Variants in STXBP5L observed in about 807,000 individuals in gnomAD.
The protein encoded by STXBP5L is syntaxin-binding protein 5-like.
A neutral mutation model predicts 144.5 loss-of-function variants in STXBP5L; 65 were observed. That is an observed-to-expected ratio of 0.45 (90% CI 0.37 to 0.55). The LOEUF is 0.55. Among genes scored for constraint, STXBP5L ranks in the 20% least tolerant of loss-of-function variants. The probability of loss-of-function intolerance (pLI) is 0.00; values close to 1 mark genes in which losing one functional copy is unlikely to be tolerated. For missense variants in STXBP5L, 1,298 were observed against 1,405.5 expected, an observed-to-expected ratio of 0.92 and a Z score of 1.22; for synonymous variants, 505 against 469.6, an observed-to-expected ratio of 1.08 and a Z score of -0.97.
intron 23 of STXBP5L, among the ~76,000 whole-genome samples, chr3:121,410,230 TCA>T (rs1411751490): frequency 1.3e-5 from 2 of 151,946 alleles, no homozygotes; most frequent in African/African-American, 4.8e-5. Flanking sequence ...TGTGTATCTC[TCA>T]CACACATACA....
intron 5 of STXBP5L, among the ~76,000 whole-genome samples, chr3:121,112,426 G>C (rs1046661199): frequency 6.6e-6 from 1 of 152,136 alleles, no homozygotes; most frequent in Non-Finnish European, 1.5e-5. Context: ...CAGGTGGGCC[G>C]TTGCTCCACT....
chr3:121,306,949 C>T (rs910299126), intron 19 of STXBP5L, among the ~76,000 whole-genome samples: 1 of 152,018 alleles, frequency 6.6e-6, no homozygotes, highest in Non-Finnish European at 1.5e-5. Context: ...GGCAGTGTAA[C>T]AGCTGTATAT....
At chr3:121,319,886 G>C (rs910083056) in intron 20 of STXBP5L, among the ~76,000 whole-genome samples, 1 of 152,134 alleles carries the variant, frequency 6.6e-6, no homozygotes, top group East Asian at 1.9e-4. Context: ...GGAGGCCAAG[G>C]GGGGAGGATC....
chr3:120,985,300 A>G (rs1432024405), intron 3 of STXBP5L, among the ~76,000 whole-genome samples: 3 of 152,018 alleles, frequency 2.0e-5, no homozygotes, highest in Non-Finnish European at 4.4e-5. Flanking sequence ...TTTCTTTGTC[A>G]GGAGATGTCT....
intron 9 of STXBP5L, among the ~76,000 whole-genome samples, chr3:121,180,456 A>T (rs1165442163): frequency 6.6e-6 from 1 of 152,234 alleles, no homozygotes; most frequent in Non-Finnish European, 1.5e-5. Flanking sequence ...TTGAAACAAA[A>T]CCTCAAAATA....
chr3:121,268,621 G>T (rs1244762935), intron 18 of STXBP5L, among the ~76,000 whole-genome samples: 1 of 152,040 alleles, frequency 6.6e-6, no homozygotes, highest in Non-Finnish European at 1.5e-5. Flanking sequence ...ACACATTAAA[G>T]CGTAATAGAT....
chr3:121,312,035 G>T (rs879917799), intron 19 of STXBP5L, among the ~76,000 whole-genome samples: 8 of 152,084 alleles, frequency 5.3e-5, no homozygotes, highest in Admixed American at 5.2e-4. Flanking sequence ...CAGAAATAAC[G>T]CTGCATATCT....
intron 3 of STXBP5L, among the ~76,000 whole-genome samples, chr3:120,980,451 A>C (rs1440895517): frequency 7.8e-6 from 1 of 128,450 alleles, no homozygotes; most frequent in South Asian, 2.4e-4. Flanking sequence ...ATCACCATAT[A>C]ATGTCCTGCT....
At chr3:121,332,950 A>C (rs1308270105) in intron 20 of STXBP5L, among the ~76,000 whole-genome samples, 1 of 152,186 alleles carries the variant, frequency 6.6e-6, no homozygotes, top group Non-Finnish European at 1.5e-5. Context: ...AATAACTATC[A>C]TCAGCCAAGA....
At chr3:121,096,820 G>A (rs966545102) in intron 5 of STXBP5L, among the ~76,000 whole-genome samples, 5 of 152,180 alleles carry the variant, frequency 3.3e-5, no homozygotes, top group South Asian at 4.1e-4. Context: ...GAGGTATGGA[G>A]GTCAGGGATC....
intron 1 of STXBP5L, among the ~76,000 whole-genome samples, chr3:120,908,923 TC>T (rs925033940): frequency 6.7e-6 from 1 of 149,530 alleles, no homozygotes; most frequent in Non-Finnish European, 1.5e-5. Context: ...GTTCTCCTCC[TC>T]CCCCCCTCCC....
chr3:121,029,215 T>C (rs1946183395), intron 3 of STXBP5L, among the ~76,000 whole-genome samples: 1 of 152,288 alleles, frequency 6.6e-6, no homozygotes, highest in East Asian at 1.9e-4. Flanking sequence ...AGAGCCCATA[T>C]AGCCAAGACA....
intron 7 of STXBP5L, among the ~76,000 whole-genome samples, chr3:121,149,026 G>C (rs2045833056): frequency 1.3e-5 from 2 of 152,070 alleles, no homozygotes; most frequent in Admixed American, 6.6e-5. Context: ...TATGGTGTTA[G>C]AAGTCAGGAT....
chr3:121,013,474 T>A (rs1944927643), intron 3 of STXBP5L, among the ~76,000 whole-genome samples: 1 of 152,108 alleles, frequency 6.6e-6, no homozygotes, highest in Admixed American at 6.6e-5. Flanking sequence ...ATATGTTTGT[T>A]GGGTGCTTGT....
At chr3:121,212,050 T>A (rs2048595335) in intron 10 of STXBP5L, among the ~76,000 whole-genome samples, 1 of 152,200 alleles carries the variant, frequency 6.6e-6, no homozygotes, top group East Asian at 1.9e-4. Flanking sequence ...CGCCAACTTT[T>A]AGATGAGGTT....
At chr3:121,398,430 C>T (rs191656695) in intron 22 of STXBP5L, among the ~76,000 whole-genome samples, 45 of 152,326 alleles carry the variant, frequency 3.0e-4, no homozygotes, top group African/African-American at 9.9e-4. Flanking sequence ...GCTGGAAATG[C>T]CCCAGTTTAG....
rs549316123 is a variant in STXBP5L, at chr3:121,218,008, AAT to A, written c.957-4987_957-4986del. ...GCTATTACTATATAATATATAGTATAATATATATACTATAGTATAATATACTA... is the reference window on the plus strand; with the variant it reads ...GCTATTACTATATAATATATAGTATAATATATACTATAGTATAATATACTA... On this transcript the variant is annotated intron_variant, in intron 10 of 26. Coordinates refer to ENST00000471454, the MANE Select transcript of STXBP5L (RefSeq NM_001308330.2). Among the ~76,000 whole-genome samples the A allele has an allele frequency of 5.8e-3, 835 of 144,984 alleles. 6 individuals carry two copies. The highest frequency in any genetic ancestry group is 0.019 in the African/African-American group (768 of 39,768).
intron 3 of STXBP5L, among the ~76,000 whole-genome samples, chr3:120,970,137 C>G (rs933741864): frequency 6.6e-6 from 1 of 152,046 alleles, no homozygotes; most frequent in African/African-American, 2.4e-5. Context: ...TTTATATTAT[C>G]TGTTTCTTAA....
chr3:121,239,861 T>A (rs996932536), intron 13 of STXBP5L, among the ~76,000 whole-genome samples: 1 of 151,504 alleles, frequency 6.6e-6, no homozygotes, highest in Non-Finnish European at 1.5e-5. Context: ...AGTATAATAA[T>A]AATAAATAAA....
Sources: allele counts gnomAD v4.1 joint callset (sites outside exome capture counted in the v4.1 genomes callset), GRCh38; gene constraint gnomAD v4.1.1; transcripts MANE v1.5; gene names NCBI Gene and HGNC (gene_info 2026-07-23, HGNC 2026-07-21).